The following TJP1 variants were observed in gnomAD, a reference collection of about 807,000 sequenced individuals.
TJP1 encodes the protein tight junction protein ZO-1.
TJP1 carries 43 observed loss-of-function variants against 194.2 expected under a neutral mutation model. The observed-to-expected ratio is 0.22, with a 90% confidence interval of 0.17 to 0.29. TJP1 has a LOEUF of 0.29. TJP1 is among the 10% of genes least tolerant of loss of function. The pLI, the probability that TJP1 is intolerant of heterozygous loss-of-function variation, is 1.00. For missense variants in TJP1, 1,971 were observed against 2,185.7 expected, an observed-to-expected ratio of 0.90 and a Z score of 1.96; for synonymous variants, 801 against 779.0, an observed-to-expected ratio of 1.03 and a Z score of -0.47.
intron 1 of TJP1, among the ~76,000 whole-genome samples, chr15:29,805,859 G>A (rs1279401472): frequency 6.6e-6 from 1 of 152,108 alleles, no homozygotes; most frequent in Non-Finnish European, 1.5e-5. Context: ...AGGATGTCCA[G>A]GAAAAAAGTG....
intron 27 of TJP1, 44 bp downstream of exon 27, chr15:29,704,118 G>A (rs1480576878): frequency 5.9e-6 from 9 of 1,537,282 alleles, no homozygotes; most frequent in Non-Finnish European, 7.9e-6. Context: ...ATTAATCAAC[G>A]ACAGTCCCCA....
At chr15:29,748,049 C>T (rs2044928847) in intron 8 of TJP1, among the ~76,000 whole-genome samples, 1 of 152,036 alleles carries the variant, frequency 6.6e-6, no homozygotes, top group Admixed American at 6.6e-5. Context: ...AAGATGGAGG[C>T]ATTTTTCAAT....
chr15:29,713,900 G>A (rs1283675086), intron 23 of TJP1, among the ~76,000 whole-genome samples: 2 of 152,206 alleles, frequency 1.3e-5, no homozygotes, highest in African/African-American at 2.4e-5. Flanking sequence ...GCAGCAGGGA[G>A]TAAAATCAAA....
intron 2 of TJP1, among the ~76,000 whole-genome samples, chr15:29,848,326 G>C (rs573478206): frequency 7.2e-4 from 110 of 152,228 alleles, no homozygotes; most frequent in Middle Eastern, 3.4e-3. Context: ...AACTATAATT[G>C]TGGGCTTGTC....
intron 2 of TJP1, among the ~76,000 whole-genome samples, chr15:29,929,752 A>G (rs1490618967): frequency 2.6e-5 from 4 of 152,142 alleles, no homozygotes; most frequent in Admixed American, 2.0e-4. Flanking sequence ...AAGTCAGAAA[A>G]AGAACAAGAG....
Position 29,700,645 on chromosome 15 carries a change from T to C in TJP1, c.*950A>G. On this transcript the variant is annotated 3_prime_UTR_variant, in exon 28 of 28. Transcript: ENST00000614355. ...GAACAAAAGTGGTATGCACGCATTA[T>C]GTACAAGCATCCTTAAAACATCAAA... The C allele has an allele frequency of 2.6e-6, 1 of 385,314 alleles. No individual in the cohort carries two copies. Among genetic ancestry groups the C allele is most frequent in the East Asian group, 3.7e-5 (1 of 27,226 alleles). The allele number at this position is 385,314 out of a possible 1,614,324, so 23.9% of individuals were successfully genotyped here. A position where few individuals can be genotyped will look rare whatever the true frequency, so the allele number is the denominator to read the frequency against.
At chr15:29,866,586 A>G (rs75521714) in intron 2 of TJP1, among the ~76,000 whole-genome samples, 63 of 152,304 alleles carry the variant, frequency 4.1e-4, no homozygotes, top group South Asian at 1.0e-3. Flanking sequence ...TTTATTTACT[A>G]TATCACAAAA....
chr15:29,956,602 T>C (rs1359792210), intron 1 of TJP1, among the ~76,000 whole-genome samples: 2 of 152,206 alleles, frequency 1.3e-5, no homozygotes, highest in Non-Finnish European at 2.9e-5. Flanking sequence ...TATTAGACTG[T>C]GGGTGGTGGC....
At chr15:29,947,508 G>A (rs758466456) in intron 2 of TJP1, among the ~76,000 whole-genome samples, 3 of 152,194 alleles carry the variant, frequency 2.0e-5, no homozygotes, top group Non-Finnish European at 4.4e-5. Flanking sequence ...TGGCGGAGCA[G>A]ACCCTGCTAG....
chr15:29,754,190 T>C (rs1460068345), intron 8 of TJP1, among the ~76,000 whole-genome samples: 1 of 152,180 alleles, frequency 6.6e-6, no homozygotes, highest in African/African-American at 2.4e-5. Context: ...TGGAATACTA[T>C]GCAGCCATAA....
chr15:29,818,229 A>G (rs536712047), intron 1 of TJP1, among the ~76,000 whole-genome samples: 13 of 152,310 alleles, frequency 8.5e-5, no homozygotes, highest in Admixed American at 2.6e-4. Flanking sequence ...ACAATCTTAA[A>G]TTAAATTTTA....
intron 2 of TJP1, among the ~76,000 whole-genome samples, chr15:29,840,328 C>G (rs1244217876): frequency 1.3e-5 from 2 of 152,122 alleles, no homozygotes; most frequent in Non-Finnish European, 2.9e-5. Flanking sequence ...TAAGTCCTCT[C>G]TCTTATGAAT....
Position 29,822,466 on chromosome 15 carries a change from C to T in TJP1, c.-438G>A. ...CAGCCGGCGCCGGCAACTCAGCGGC[C>T]ACGCAAACCTGCCGGCCCGGCCCAC... On this transcript the variant is annotated 5_prime_UTR_variant, in exon 1 of 28. Coordinates refer to ENST00000614355, the MANE Select transcript of TJP1 (RefSeq NM_001330239.4). The T allele has an allele frequency of 1.0e-5, 10 of 985,852 alleles. No homozygotes were observed. The highest frequency in any genetic ancestry group is 1.2e-5 in the Non-Finnish European group (10 of 830,384). The allele number at this position is 985,852 out of a possible 1,614,324, so 61.1% of individuals were successfully genotyped here. A position where few individuals can be genotyped will look rare whatever the true frequency, so the allele number is the denominator to read the frequency against.
chr15:29,833,549 A>T (rs2050902547), intron 2 of TJP1, among the ~76,000 whole-genome samples: 1 of 151,620 alleles, frequency 6.6e-6, no homozygotes. Context: ...GCACACCACC[A>T]CATCCTGCTA....
intron 2 of TJP1, among the ~76,000 whole-genome samples, chr15:29,789,758 C>G (rs2047949971): frequency 1.3e-5 from 2 of 152,120 alleles, no homozygotes; most frequent in South Asian, 2.1e-4. Flanking sequence ...TACAGAGTAT[C>G]TATACTCCAG....
intron 2 of TJP1, among the ~76,000 whole-genome samples, chr15:29,901,482 A>T (rs557658317): frequency 6.6e-6 from 1 of 152,280 alleles, no homozygotes; most frequent in Admixed American, 6.5e-5. Flanking sequence ...CCAAAAAACC[A>T]CAGATGCTTC....
At position 29,732,424 on chromosome 15, in the gene TJP1, G is replaced by T. The variant is rs1201449057; in HGVS notation, c.2017+9C>A. On this transcript the variant is annotated intron_variant, in intron 15 of 27. Coordinates refer to ENST00000614355, the MANE Select transcript of TJP1 (RefSeq NM_001330239.4). ...CAACCTCATTTAAGTTAGCCTTGAG[G>T]CTACTTACTTGCAATTTGATAAATA... 4.3e-6 allele frequency: 7 copies of T among 1,611,416 alleles called. No homozygotes were observed. The highest frequency in any genetic ancestry group is 4.0e-5 in the African/African-American group (3 of 74,960).
intron 2 of TJP1, among the ~76,000 whole-genome samples, chr15:29,955,092 AT>A (rs937946873): frequency 3.9e-5 from 6 of 152,104 alleles, no homozygotes; most frequent in African/African-American, 1.2e-4. Flanking sequence ...AAAAAAAAAA[AT>A]AATAATAATA....
At chr15:29,883,990 TA>T (rs1335049489) in intron 2 of TJP1, among the ~76,000 whole-genome samples, 1 of 152,154 alleles carries the variant, frequency 6.6e-6, no homozygotes, top group Non-Finnish European at 1.5e-5. Flanking sequence ...TCTTAGAAGG[TA>T]AAAATTCCCA....
Sources: allele counts gnomAD v4.1 joint callset (sites outside exome capture counted in the v4.1 genomes callset), GRCh38; gene constraint gnomAD v4.1.1; transcripts MANE v1.5; gene names NCBI Gene and HGNC (gene_info 2026-07-23, HGNC 2026-07-21).